SPECC1: variants seen among roughly 807,000 people sequenced by gnomAD.
SPECC1 encodes cytospin-B.
In SPECC1, 62 loss-of-function variants were observed where a neutral mutation model predicts 104.1. That is an observed-to-expected ratio of 0.60 (90% CI 0.49 to 0.74). The LOEUF is 0.74. Among genes scored for constraint, SPECC1 ranks in the 30% least tolerant of loss-of-function variants. The pLI is 0.00. For synonymous variants in SPECC1, 513 were observed against 501.6 expected (o/e 1.02, Z -0.30); for missense variants, 1,306 against 1,310.5 (o/e 1.00, Z 0.05).
chr17:20,295,251 A>G (rs1253077146), intron 12 of SPECC1, among the ~76,000 whole-genome samples: 1 of 138,442 alleles, frequency 7.2e-6, no homozygotes, highest in African/African-American at 2.7e-5. Flanking sequence ...GTTCCCACCT[A>G]TGAGTGAGAA....
chr17:20,146,598 A>G lies in SPECC1; in HGVS notation c.283+36036A>G, dbSNP rs186633298. Among the ~76,000 whole-genome samples the G allele has an allele frequency of 2.0e-5, 3 of 152,264 alleles. No homozygotes were observed. In the East Asian group the frequency reaches 5.8e-4, roughly 29 times the overall value. ...CTCAACTGCTGGATCTTATGATAAG[A>G]ATATGTTTAGTTTTGTAAGAAACTG... On this transcript the variant is annotated intron_variant, in intron 3 of 14. Coordinates refer to ENST00000395527, the MANE Select transcript of SPECC1 (RefSeq NM_001243439.2).
chr17:20,293,982 G>T (rs1324662997), intron 12 of SPECC1, among the ~76,000 whole-genome samples: 1 of 152,054 alleles, frequency 6.6e-6, no homozygotes, highest in African/African-American at 2.4e-5. Context: ...ACTTAGAATT[G>T]AATTTTTTTT....
chr17:20,223,530 G>A (rs966447669), intron 4 of SPECC1, among the ~76,000 whole-genome samples: 6 of 151,998 alleles, frequency 3.9e-5, no homozygotes, highest in African/African-American at 7.3e-5. Flanking sequence ...AAAATTAGCC[G>A]GGCGTGGTAG....
chr17:20,204,344 A>T lies in SPECC1; in HGVS notation c.295A>T (p.Thr99Ser), dbSNP rs140199646. ...CTTCTGTCTTTAAGGGGCCTTTACA[A>T]CAACTAAACGGACAGGCATTCCAGC... ...RLRSGTGAFT[T>S]TKRTGIPAPR... Residue 99 changes from threonine (T) to serine (S), a missense_variant, in exon 4 of 15, where the codon ACA becomes TCA. Around this residue, in one of 2 missense-constraint regions of SPECC1, gnomAD observed 1,177 missense variants for 1,139.9 expected, o/e 1.03. Transcript: ENST00000395527. The T allele has an allele frequency of 8.9e-4, 1,434 of 1,607,460 alleles. 3 individuals are homozygous for T. The highest frequency in any genetic ancestry group is 1.1e-3 in the Non-Finnish European group (1,337 of 1,178,062).
intron 1 of SPECC1, chr17:20,017,164 A>T (rs1379086937): frequency 6.6e-6 from 1 of 152,336 alleles, no homozygotes; most frequent in Non-Finnish European, 1.5e-5. Flanking sequence ...CTGCGGTCGC[A>T]TTCCGCGCTG....
chr17:20,150,621 G>A (rs1266846904), intron 3 of SPECC1, among the ~76,000 whole-genome samples: 2 of 150,098 alleles, frequency 1.3e-5, no homozygotes, highest in African/African-American at 4.9e-5. Flanking sequence ...CCTGGGCAAC[G>A]AGTGAAACTC....
chr17:20,194,525 T>TTTTTTTTTTTTTTTTTTTTTTTTG (rs2035896918), intron 3 of SPECC1, among the ~76,000 whole-genome samples: 1 of 143,206 alleles, frequency 7.0e-6, no homozygotes, highest in African/African-American at 2.7e-5. Flanking sequence ...TTTTTTTTTT[T>TTTTTTTTTTTTTTTTTTTTTTTTG]GAGACAGAGT....
chr17:20,238,687 C>G (rs1357533836), intron 7 of SPECC1: 14 of 1,039,626 alleles, frequency 1.3e-5, no homozygotes, highest in Non-Finnish European at 1.6e-5. Flanking sequence ...TTTGGGCACT[C>G]TTTACCTCAG....
intron 2 of SPECC1, among the ~76,000 whole-genome samples, chr17:20,105,607 G>T (rs1397173730): frequency 6.6e-6 from 1 of 152,082 alleles, no homozygotes; most frequent in African/African-American, 2.4e-5. Context: ...AGACCCCCCA[G>T]CCCTGAGCAT....
At chr17:20,249,511 C>T (rs1303095394) in intron 9 of SPECC1, among the ~76,000 whole-genome samples, 1 of 152,022 alleles carries the variant, frequency 6.6e-6, no homozygotes, top group Non-Finnish European at 1.5e-5. Context: ...TAGAAACAGA[C>T]ACGGAAGATT....
chr17:20,109,272 C>T (rs2048369677), intron 2 of SPECC1, among the ~76,000 whole-genome samples: 1 of 152,224 alleles, frequency 6.6e-6, no homozygotes, highest in Non-Finnish European at 1.5e-5. Context: ...GGGCGGGGCT[C>T]GCCCACTGCA....
At chr17:20,036,239 C>T (rs563992492) in intron 1 of SPECC1, among the ~76,000 whole-genome samples, 27 of 152,274 alleles carry the variant, frequency 1.8e-4, no homozygotes, top group East Asian at 7.7e-4. Context: ...AAGCAATTCT[C>T]GTGCCTCAGC....
chr17:20,119,700 T>A (rs1180332014), intron 3 of SPECC1, among the ~76,000 whole-genome samples: 1 of 152,264 alleles, frequency 6.6e-6, no homozygotes, highest in Non-Finnish European at 1.5e-5. Flanking sequence ...AGTGCCTGTC[T>A]GTTGCAGGTG....
At chr17:20,289,890 A>G (rs1019346324) in intron 12 of SPECC1, among the ~76,000 whole-genome samples, 2 of 152,224 alleles carry the variant, frequency 1.3e-5, no homozygotes, top group Non-Finnish European at 1.5e-5. Flanking sequence ...ACCTCTGCCA[A>G]CGTCAGCAAT....
At chr17:20,253,240 A>C (rs1282138666) in intron 9 of SPECC1, among the ~76,000 whole-genome samples, 1 of 152,182 alleles carries the variant, frequency 6.6e-6, no homozygotes, top group Non-Finnish European at 1.5e-5. Flanking sequence ...GCCAATTAAT[A>C]ATGATTGCCC....
chr17:20,117,352 G>C (rs771614573), intron 3 of SPECC1, among the ~76,000 whole-genome samples: 1 of 151,972 alleles, frequency 6.6e-6, no homozygotes, highest in Non-Finnish European at 1.5e-5. Context: ...TTCTAAGTAG[G>C]AACAGACACA....
chr17:20,237,891 T>C (rs1262545838), intron 7 of SPECC1: 7 of 313,488 alleles, frequency 2.2e-5, no homozygotes, highest in Non-Finnish European at 3.4e-5. Flanking sequence ...TACAGGCATG[T>C]GCCGTCACTC....
At chr17:20,020,140 A>C (rs1329315817) in intron 1 of SPECC1, among the ~76,000 whole-genome samples, 1 of 152,126 alleles carries the variant, frequency 6.6e-6, no homozygotes, top group Non-Finnish European at 1.5e-5. Flanking sequence ...GTGATATAAA[A>C]CACCACGCTG....
At chr17:20,098,890 C>T (rs1050133310) in intron 2 of SPECC1, among the ~76,000 whole-genome samples, 8 of 152,202 alleles carry the variant, frequency 5.3e-5, no homozygotes, top group Non-Finnish European at 1.0e-4. Context: ...CGGCTCTGTC[C>T]CTAGTGCTTA....
Sources: allele counts gnomAD v4.1 joint callset (sites outside exome capture counted in the v4.1 genomes callset), GRCh38; gene constraint gnomAD v4.1.1; regional missense constraint gnomAD v4.1.1; transcripts MANE v1.5; gene names NCBI Gene and HGNC (gene_info 2026-07-23, HGNC 2026-07-21).